The following LINC00632 variants were observed in gnomAD, a reference collection of about 807,000 sequenced individuals.
The protein encoded by LINC00632 is long independently transcribed non-coding RNA 632, also known as ALDOA related specific transcript.
In LINC00632 at chrX:140,736,581, T is replaced by C. The variant is rs113905094; in HGVS notation, n.191+2617T>C. Among the ~76,000 whole-genome samples the C allele has an allele frequency of 9.8e-3, 1,043 of 106,903 alleles. 21 individuals are homozygous for C. Among genetic ancestry groups the C allele is most frequent in the African/African-American group, 0.034 (999 of 29,342 alleles). 92.8% of individuals were successfully genotyped at this position (106,903 alleles called of 115,157 possible). A position where few individuals can be genotyped will look rare whatever the true frequency, so the allele number is the denominator to read the frequency against. ...CCTCCCGAGTAGCTGGGATTACAGG[T>C]GCCCTCCATCACGCCCAGCTAATTT... is the stretch of plus-strand genomic sequence containing the variant. On this transcript the variant is annotated intron_variant and non_coding_transcript_variant, in intron 3 of 4. Coordinates refer to ENST00000648200, the Ensembl canonical transcript of LINC00632.
intron 2 of LINC00632, among the ~76,000 whole-genome samples, chrX:140,718,812 ACAT>A (rs766338872): frequency 1.4e-3 from 161 of 112,056 alleles, no homozygotes; most frequent in Non-Finnish European, 2.8e-3. Context: ...ACAATGCACA[ACAT>A]ACCCAACAAA....
intron 3 of LINC00632, among the ~76,000 whole-genome samples, chrX:140,771,026 A>G (rs1931780176): frequency 8.9e-6 from 1 of 111,909 alleles, no homozygotes; most frequent in South Asian, 3.7e-4. Flanking sequence ...CAGGCTCTAG[A>G]GAGAAAAAAG....
intron 3 of LINC00632, among the ~76,000 whole-genome samples, chrX:140,748,825 T>G (rs781201998): frequency 3.8e-4 from 40 of 105,680 alleles, no homozygotes; most frequent in African/African-American, 1.4e-3. Context: ...CTATGATATA[T>G]TTTATCTATG....
intron 3 of LINC00632, among the ~76,000 whole-genome samples, chrX:140,766,812 A>G (rs1248235360): frequency 8.9e-6 from 1 of 112,215 alleles, no homozygotes; most frequent in African/African-American, 3.2e-5. Flanking sequence ...TGTTTAGGTA[A>G]TATTTGTAGA....
At chrX:140,721,476 A>G (rs1012246133) in intron 2 of LINC00632, among the ~76,000 whole-genome samples, 1 of 110,864 alleles carries the variant, frequency 9.0e-6, no homozygotes, top group African/African-American at 3.3e-5. Context: ...GGAGTGCACA[A>G]CCCTGATCCC....
At chrX:140,790,564 A>T (rs918792783) in exon 5 of LINC00632, among the ~76,000 whole-genome samples, 28 of 110,756 alleles carry the variant, frequency 2.5e-4, no homozygotes, top group Admixed American at 6.8e-4. Context: ...ATTAATTTTA[A>T]AATTAACTCA....
intron 3 of LINC00632, among the ~76,000 whole-genome samples, chrX:140,742,141 A>G (rs1931232707): frequency 8.9e-6 from 1 of 111,825 alleles, no homozygotes; most frequent in Non-Finnish European, 1.9e-5. Flanking sequence ...TATATTGGTT[A>G]CATCTTACCT....
chrX:140,714,211 C>T (rs991881835), intron 2 of LINC00632: 25 of 163,815 alleles, frequency 1.5e-4, no homozygotes, highest in Admixed American at 1.5e-4. Flanking sequence ...AAGACTCTCC[C>T]ACAACAGACA....
chrX:140,782,818 C>G (rs1931953620), exon 5 of LINC00632: 1 of 110,876 alleles, frequency 9.0e-6, no homozygotes, highest in Non-Finnish European at 1.9e-5. Context: ...GTCCAGGCTG[C>G]CAGTATTCTT....
chrX:140,756,007 TAAGTGCTTGAAAAAA>T (rs1230555190), intron 3 of LINC00632, among the ~76,000 whole-genome samples: 1 of 111,001 alleles, frequency 9.0e-6, no homozygotes, highest in African/African-American at 3.3e-5. Context: ...CATGTACATG[TAAGTGCTTGAAAAAA>T]AAGTAGAATT....
At chrX:140,732,741 G>T (rs183175123) in intron 2 of LINC00632, among the ~76,000 whole-genome samples, 1 of 110,153 alleles carries the variant, frequency 9.1e-6, no homozygotes, top group East Asian at 2.9e-4. Context: ...CCACGAAGAA[G>T]CACCTTTACA....
At chrX:140,738,119 CT>C (rs1030213133) in intron 3 of LINC00632, among the ~76,000 whole-genome samples, 1 of 111,338 alleles carries the variant, frequency 9.0e-6, no homozygotes, top group South Asian at 3.8e-4. Context: ...AGGAGATGCT[CT>C]TTTTTTTCCC....
At chrX:140,788,016 G>A (rs2044234228) in exon 5 of LINC00632, among the ~76,000 whole-genome samples, 1 of 109,917 alleles carries the variant, frequency 9.1e-6, no homozygotes. Flanking sequence ...AGAATATTAA[G>A]ATATCAAGTC....
intron 2 of LINC00632, among the ~76,000 whole-genome samples, chrX:140,726,141 C>T (rs781285169): frequency 1.6e-4 from 18 of 111,123 alleles, no homozygotes; most frequent in African/African-American, 5.9e-4. Context: ...AGACATGCTC[C>T]ATAGCACCCA....
intron 3 of LINC00632, among the ~76,000 whole-genome samples, chrX:140,759,334 TTCCTTC>T (rs1569354238): frequency 1.8e-5 from 1 of 57,022 alleles, no homozygotes; most frequent in African/African-American, 5.2e-5. Flanking sequence ...CCTTCCTTCC[TTCCTTC>T]CTTCCTTTCT....
At chrX:140,782,762 C>T (rs187657166) in exon 5 of LINC00632, 41 of 111,692 alleles carry the variant, frequency 3.7e-4, no homozygotes, top group African/African-American at 1.2e-3. Flanking sequence ...CATCAATATC[C>T]TCAATGTCTG....
chrX:140,762,300 G>C (rs1170907368), intron 3 of LINC00632, among the ~76,000 whole-genome samples: 1 of 108,003 alleles, frequency 9.3e-6, no homozygotes, highest in Non-Finnish European at 1.9e-5. Context: ...GTACTGATTG[G>C]CTTAGGACTC....
intron 2 of LINC00632, chrX:140,713,445 C>T (rs761673166): frequency 6.3e-5 from 19 of 301,074 alleles, no homozygotes; most frequent in Non-Finnish European, 1.1e-4. Flanking sequence ...AATGGGGATG[C>T]TAACAGCATG....
At chrX:140,763,772 T>C (rs1405262305) in intron 3 of LINC00632, among the ~76,000 whole-genome samples, 1 of 112,091 alleles carries the variant, frequency 8.9e-6, no homozygotes. Flanking sequence ...TCACATCCAT[T>C]TTCTAGAAGA....
Sources: allele counts gnomAD v4.1 joint callset (sites outside exome capture counted in the v4.1 genomes callset), GRCh38; gene constraint gnomAD v4.1.1; transcripts MANE v1.5; gene names NCBI Gene and HGNC (gene_info 2026-07-23, HGNC 2026-07-21).